Variants in STK33 observed in about 807,000 individuals in gnomAD.
STK33 encodes serine/threonine kinase 33.
In STK33, 52 loss-of-function variants were observed where a neutral mutation model predicts 58.0. The observed-to-expected ratio is 0.90, with a 90% CI of 0.72 to 1.13. The LOEUF (loss-of-function observed/expected upper bound fraction) is 1.13. STK33 is among the 50% of genes most tolerant of loss of function. The pLI, the probability that STK33 is intolerant of heterozygous loss-of-function variation, is 0.00. For synonymous variants in STK33, 215 were observed against 200.1 expected (o/e 1.07, Z -0.63); for missense variants, 630 against 604.2 (o/e 1.04, Z -0.45).
chr11:8,464,769 A>C lies in STK33; in HGVS notation c.393T>G (p.Ile131Met). The C allele has an allele frequency of 6.2e-7, 1 of 1,613,762 alleles. No homozygotes were observed. Among genetic ancestry groups the C allele is most frequent in the Non-Finnish European group, 8.5e-7 (1 of 1,179,828 alleles). ...ILGKGSFGIV[I>M]EATDKETETK... ...TTTCTGTTTCCTTGTCTGTCGCTTC[A>C]ATGACTATTCCAAAGCTCCCTTTTC... Residue 131 changes from isoleucine (I) to methionine (M), a missense_variant, in exon 7 of 16, where the codon ATT becomes ATG. By Grantham distance (10) the Ile-to-Met change is conservative. Transcript: ENST00000687296.
intron 1 of STK33, among the ~76,000 whole-genome samples, chr11:8,568,124 A>C (rs1203826827): frequency 6.6e-6 from 1 of 152,184 alleles, no homozygotes; most frequent in South Asian, 2.1e-4. Flanking sequence ...CCAGAGAAAA[A>C]TAGCTTGTTT....
intron 14 of STK33, among the ~76,000 whole-genome samples, chr11:8,431,745 T>A (rs1279146615): frequency 6.6e-6 from 1 of 152,204 alleles, no homozygotes; most frequent in Non-Finnish European, 1.5e-5. Context: ...ACAACTCTTC[T>A]TTACTACCTA....
chr11:8,577,086 G>A (rs375011402), intron 1 of STK33, among the ~76,000 whole-genome samples: 4 of 152,244 alleles, frequency 2.6e-5, no homozygotes, highest in South Asian at 4.1e-4. Context: ...GGGAGGATAG[G>A]AGCCCTGAAA....
chr11:8,526,831 A>G (rs1954071477), intron 1 of STK33, among the ~76,000 whole-genome samples: 1 of 151,456 alleles, frequency 6.6e-6, no homozygotes, highest in Non-Finnish European at 1.5e-5. Flanking sequence ...TACTGAGCAA[A>G]AAAAAAAAAC....
chr11:8,549,388 A>C (rs2140517544), intron 1 of STK33, among the ~76,000 whole-genome samples: 1 of 151,696 alleles, frequency 6.6e-6, no homozygotes, highest in African/African-American at 2.4e-5. Context: ...GTTTCGTTGA[A>C]GATTTCTGCA....
intron 1 of STK33, among the ~76,000 whole-genome samples, chr11:8,568,824 C>CCTTCT (rs1312372305): frequency 6.6e-6 from 1 of 152,072 alleles, no homozygotes; most frequent in Non-Finnish European, 1.5e-5. Context: ...TGCTATATTA[C>CCTTCT]CTTCTTATTT....
Position 8,519,242 on chromosome 11 carries a change from C to T in STK33, c.-465-38628G>A, listed in dbSNP as rs958677846. On this transcript the variant is annotated intron_variant, in intron 1 of 15. Coordinates refer to ENST00000687296, the MANE Select transcript of STK33 (RefSeq NM_001352389.2). Reference sequence around the variant, plus strand: ...TGAACAACCTGCTCCGGAATGACTACTGGGTACATAACGAAATGAAGGCAG... The same window carrying T: ...TGAACAACCTGCTCCGGAATGACTATTGGGTACATAACGAAATGAAGGCAG... Among the ~76,000 whole-genome samples, 7 of 152,274 alleles carry T rather than the reference C, an allele frequency of 4.6e-5. 1 individual carries two copies. Among genetic ancestry groups the T allele is most frequent in the Admixed American group, 4.6e-4 (7 of 15,294 alleles).
intron 7 of STK33, among the ~76,000 whole-genome samples, chr11:8,463,182 G>A (rs922342775): frequency 5.9e-5 from 9 of 152,120 alleles, no homozygotes; most frequent in African/African-American, 1.4e-4. Context: ...AGCAGTCCCC[G>A]ACCTTTTTGG....
chr11:8,412,938 T>C (rs1173228107), intron 15 of STK33, among the ~76,000 whole-genome samples: 1 of 152,166 alleles, frequency 6.6e-6, no homozygotes, highest in Non-Finnish European at 1.5e-5. Context: ...TCAGAACTAA[T>C]AAGGTAAAAT....
chr11:8,401,575 C>T (rs2135306703), intron 15 of STK33, among the ~76,000 whole-genome samples: 1 of 152,252 alleles, frequency 6.6e-6, no homozygotes, highest in African/African-American at 2.4e-5. Flanking sequence ...GACTTCATGT[C>T]TAAAACACCA....
At chr11:8,370,697 C>G in the STK33 span, among the ~76,000 whole-genome samples, 1 of 140,048 alleles carries the variant, frequency 7.1e-6, no homozygotes, top group Non-Finnish European at 1.5e-5. Context: ...GAAGTTGCAG[C>G]TGGAGGAGAC....
At chr11:8,364,348 G>A in the STK33 span, among the ~76,000 whole-genome samples, 28 of 152,150 alleles carry the variant, frequency 1.8e-4, no homozygotes, top group Non-Finnish European at 8.8e-5. Flanking sequence ...CCTTCTTTCA[G>A]TTGGAGATTT....
chr11:8,357,635 G>C, the STK33 span, among the ~76,000 whole-genome samples: 1 of 152,262 alleles, frequency 6.6e-6, no homozygotes, highest in African/African-American at 2.4e-5. Context: ...CTGCTGCAGG[G>C]AAGTCCCTGA....
intron 1 of STK33, among the ~76,000 whole-genome samples, chr11:8,587,809 G>A (rs1461307407): frequency 6.6e-6 from 1 of 152,150 alleles, no homozygotes; most frequent in African/African-American, 2.4e-5. Context: ...GATGGCAAAG[G>A]GGCACCCATA....
intron 15 of STK33, 109 bp downstream of exon 15, chr11:8,413,386 C>T (rs949412013): frequency 3.8e-5 from 46 of 1,194,832 alleles, no homozygotes; most frequent in Middle Eastern, 2.0e-4. Context: ...ATATAACGCT[C>T]GGCCTTTGTT....
At chr11:8,524,243 C>G (rs1591624224) in intron 1 of STK33, among the ~76,000 whole-genome samples, 1 of 152,146 alleles carries the variant, frequency 6.6e-6, no homozygotes, top group Admixed American at 6.5e-5. Flanking sequence ...TATCTGCTGA[C>G]CTTCCCTCCA....
intron 1 of STK33, among the ~76,000 whole-genome samples, chr11:8,492,812 T>C (rs1220646425): frequency 6.6e-6 from 1 of 152,136 alleles, no homozygotes; most frequent in Non-Finnish European, 1.5e-5. Flanking sequence ...TCCTGAAAAG[T>C]GCATGGAAAC....
At chr11:8,545,953 G>T (rs1955877275) in intron 1 of STK33, among the ~76,000 whole-genome samples, 1 of 152,150 alleles carries the variant, frequency 6.6e-6, no homozygotes, top group African/African-American at 2.4e-5. Context: ...AGGCTATGTG[G>T]TATAGCCTCT....
intron 1 of STK33, among the ~76,000 whole-genome samples, chr11:8,553,032 T>C (rs990112443): frequency 2.0e-5 from 3 of 150,630 alleles, no homozygotes; most frequent in Middle Eastern, 3.4e-3. Flanking sequence ...GGCACACACC[T>C]GTAGTCCCAG....
Sources: allele counts gnomAD v4.1 joint callset (sites outside exome capture counted in the v4.1 genomes callset), GRCh38; gene constraint gnomAD v4.1.1; transcripts MANE v1.5; gene names NCBI Gene and HGNC (gene_info 2026-07-23, HGNC 2026-07-21).